The following CERS3 variants were observed in gnomAD, a reference collection of about 807,000 sequenced individuals.
The protein encoded by CERS3 is LAG1 homolog, ceramide synthase 3.
A neutral mutation model predicts 50.3 loss-of-function variants in CERS3; 33 were observed. The observed-to-expected ratio is 0.66, with a 90% CI of 0.50 to 0.88. The LOEUF (loss-of-function observed/expected upper bound fraction) is 0.88, where lower values mean the gene tolerates loss of function less well. CERS3 is among the 40% of genes least tolerant of loss of function. The pLI is 0.00. For missense variants in CERS3, 470 were observed against 460.3 expected, an observed-to-expected ratio of 1.02 and a Z score of -0.19; for synonymous variants, 176 against 155.2, an observed-to-expected ratio of 1.13 and a Z score of -0.99.
chr15:100,508,011 T>G (rs1383157977), intron 2 of CERS3, among the ~76,000 whole-genome samples: 3 of 152,252 alleles, frequency 2.0e-5, no homozygotes, highest in African/African-American at 7.2e-5. Context: ...TAGATTCTAT[T>G]GCCTACAACC....
At chr15:100,436,716 C>A (rs1359598224) in intron 11 of CERS3, among the ~76,000 whole-genome samples, 1 of 151,974 alleles carries the variant, frequency 6.6e-6, no homozygotes, top group African/African-American at 2.4e-5. Context: ...TTTGCATAAT[C>A]ATAGTGATAG....
intron 11 of CERS3, 150 bp from the exon 12 acceptor site, chr15:100,403,015 G>T: frequency 1.3e-6 from 1 of 756,718 alleles, no homozygotes; most frequent in Non-Finnish European, 2.1e-6. Flanking sequence ...CTATATCATG[G>T]ATCATAAAGC....
intron 8 of CERS3, among the ~76,000 whole-genome samples, chr15:100,474,411 TTC>T (rs1477161156): frequency 1.4e-5 from 2 of 145,078 alleles, no homozygotes; most frequent in Non-Finnish European, 3.0e-5. Context: ...TTTCTTTTTT[TTC>T]TTTTTTTTTT....
intron 8 of CERS3, 128 bp from the exon 9 acceptor site, chr15:100,473,180 T>C: frequency 1.0e-6 from 1 of 976,184 alleles, no homozygotes; most frequent in South Asian, 1.7e-5. Flanking sequence ...ATAAAATGCT[T>C]TTACTTCCTA....
chr15:100,527,282 G>C (rs1319096278), intron 1 of CERS3, among the ~76,000 whole-genome samples: 1 of 152,148 alleles, frequency 6.6e-6, no homozygotes, highest in Non-Finnish European at 1.5e-5. Context: ...CAGTGACAGA[G>C]CAAGACTCCA....
chr15:100,520,234 CA>C (rs1462616033), intron 2 of CERS3, among the ~76,000 whole-genome samples: 1 of 152,180 alleles, frequency 6.6e-6, no homozygotes, highest in East Asian at 1.9e-4. Context: ...ACATGCACAT[CA>C]GGCTCCTAGC....
Position 100,469,439 on chromosome 15 carries a change from T to C in CERS3, c.784A>G (p.Thr262Ala), listed in dbSNP as rs757498933. ...ATGGTGGAGAAGATGAAAAACAGGG[T>C]GTTACAGGTCTGCGTCCATCCAGCA... ...SYAGWTQTCNTLFFIFSTIFF... is the reference protein window; with the variant it reads ...SYAGWTQTCNALFFIFSTIFF... Residue 262 changes from threonine (T) to alanine (A), a missense_variant, in exon 10 of 12, where the codon ACC becomes GCC. By Grantham distance (58) the Thr-to-Ala change is moderately conservative. Coordinates refer to ENST00000679737, the MANE Select transcript of CERS3 (RefSeq NM_001378789.1). 1 of 1,613,912 alleles carries C rather than the reference T, an allele frequency of 6.2e-7. No individual in the cohort carries two copies. The highest frequency in any genetic ancestry group is 2.2e-5 in the East Asian group (1 of 44,874).
At chr15:100,417,116 T>C (rs1246876523) in intron 11 of CERS3, among the ~76,000 whole-genome samples, 1 of 152,086 alleles carries the variant, frequency 6.6e-6, no homozygotes, top group Non-Finnish European at 1.5e-5. Context: ...GGTCTACAGC[T>C]CCCAGCGTGA....
intron 1 of CERS3, among the ~76,000 whole-genome samples, chr15:100,522,718 C>T (rs114951357): frequency 1.5e-4 from 23 of 151,076 alleles, no homozygotes; most frequent in Admixed American, 1.3e-3. Flanking sequence ...ATTCTGTTGT[C>T]GATGGAAATA....
At chr15:100,533,433 C>A (rs2142418204), upstream of CERS3, among the ~76,000 whole-genome samples, 1 of 152,276 alleles carries the variant, frequency 6.6e-6, no homozygotes, top group Non-Finnish European at 1.5e-5. Flanking sequence ...GTGTCTCTTC[C>A]TCTCTACCAC....
In CERS3 at chr15:100,400,814, A is replaced by G. The variant is rs147655662; in HGVS notation, c.*1899T>C. 2 of 152,182 alleles carry G rather than the reference A, an allele frequency of 1.3e-5. No individual in the cohort carries two copies. Among genetic ancestry groups the G allele is most frequent in the East Asian group, 3.9e-4 (2 of 5,180 alleles). 9.4% of individuals were successfully genotyped at this position (152,182 alleles called of 1,614,324 possible). On this transcript the variant is annotated 3_prime_UTR_variant, in exon 12 of 12. Coordinates refer to ENST00000679737, the MANE Select transcript of CERS3 (RefSeq NM_001378789.1). ...AGTGTGACCTTCTTCCAGCAAAATA[A>G]TAATAATATAATATTAATAATAAGT...
At chr15:100,421,555 A>C (rs1186179634) in intron 11 of CERS3, among the ~76,000 whole-genome samples, 1 of 150,284 alleles carries the variant, frequency 6.7e-6, no homozygotes, top group Non-Finnish European at 1.5e-5. Context: ...GCTACCAATG[A>C]CTTTCTTCAC....
rs2030522880 is a variant in CERS3 at position 100,401,437 on chromosome 15, G to C, written c.*1276C>G. On this transcript the variant is annotated 3_prime_UTR_variant, in exon 12 of 12. Coordinates refer to ENST00000679737, the MANE Select transcript of CERS3 (RefSeq NM_001378789.1). The stretch of plus-strand genomic sequence containing the variant: ...AAGTCTTCTCCGGTGCTCCCTTCCG[G>C]AGGGTGAGGACAAGCTGGCTACTGA... 1 of 152,286 alleles carries C rather than the reference G, an allele frequency of 6.6e-6. No individual in the cohort carries two copies. The highest frequency in any genetic ancestry group is 2.1e-4 in the South Asian group (1 of 4,832). 9.4% of individuals were successfully genotyped at this position (152,286 alleles called of 1,614,324 possible). A position where few individuals can be genotyped will look rare whatever the true frequency, so the allele number is the denominator to read the frequency against.
chr15:100,476,786 T>C (rs767285295), intron 7 of CERS3, among the ~76,000 whole-genome samples: 6 of 152,206 alleles, frequency 3.9e-5, no homozygotes, highest in Admixed American at 6.5e-5. Context: ...TTATATTACT[T>C]AGTGTACCCA....
intron 2 of CERS3, among the ~76,000 whole-genome samples, chr15:100,517,051 C>A (rs375198308): frequency 9.2e-5 from 14 of 152,334 alleles, no homozygotes; most frequent in African/African-American, 3.1e-4. Context: ...CCTCACAGAG[C>A]CTGAAAGCTT....
At chr15:100,502,251 G>GAAAAAAA (rs58654483) in intron 2 of CERS3, among the ~76,000 whole-genome samples, 53 of 113,688 alleles carry the variant, frequency 4.7e-4, no homozygotes, top group African/African-American at 6.1e-4. Flanking sequence ...CTCAAAAAAA[G>GAAAAAAA]AAAAAAAAAA....
upstream of CERS3, among the ~76,000 whole-genome samples, chr15:100,530,259 A>G (rs575694826): frequency 1.8e-4 from 28 of 152,054 alleles, 1 homozygote; most frequent in Non-Finnish European, 2.9e-4. Flanking sequence ...CCTAACTCAC[A>G]TTCCCATTCT....
At chr15:100,425,046 G>T (rs369538391) in intron 11 of CERS3, among the ~76,000 whole-genome samples, 2 of 152,166 alleles carry the variant, frequency 1.3e-5, no homozygotes, top group East Asian at 3.9e-4. Flanking sequence ...GTGCACAGAG[G>T]GCAAGAGTGA....
chr15:100,462,939 T>C (rs1261709169), intron 10 of CERS3, among the ~76,000 whole-genome samples: 1 of 152,198 alleles, frequency 6.6e-6, no homozygotes, highest in Non-Finnish European at 1.5e-5. Context: ...ATTGTGATTA[T>C]GTAAGAAAAT....
Sources: allele counts gnomAD v4.1 joint callset (sites outside exome capture counted in the v4.1 genomes callset), GRCh38; gene constraint gnomAD v4.1.1; transcripts MANE v1.5; gene names NCBI Gene and HGNC (gene_info 2026-07-23, HGNC 2026-07-21).